TMEM178B: variants seen among roughly 807,000 people sequenced by gnomAD.
TMEM178B encodes transmembrane protein 178B.
A neutral mutation model predicts 31.0 loss-of-function variants in TMEM178B; 5 were observed. The ratio of observed to expected loss-of-function variants is 0.16; its 90% CI spans 0.08 to 0.34. TMEM178B has a LOEUF of 0.34. TMEM178B is among the 10% of genes least tolerant of loss of function. The pLI, the probability that TMEM178B is intolerant of heterozygous loss-of-function variation, is 1.00. For missense variants in TMEM178B, 275 were observed against 400.3 expected, an observed-to-expected ratio of 0.69 and a Z score of 2.67; for synonymous variants, 164 against 164.0, an observed-to-expected ratio of 1.00 and a Z score of 0.00.
intron 1 of TMEM178B, among the ~76,000 whole-genome samples, chr7:141,101,287 A>G (rs956824114): frequency 6.6e-6 from 1 of 152,234 alleles, no homozygotes; most frequent in African/African-American, 2.4e-5. Flanking sequence ...ATGAATGACA[A>G]TAAAATGTTT....
chr7:141,309,418 GA>G (rs1233379331), intron 2 of TMEM178B, among the ~76,000 whole-genome samples: 19 of 152,206 alleles, frequency 1.2e-4, no homozygotes, highest in Non-Finnish European at 2.4e-4. Context: ...TAGACATTTG[GA>G]AAGTATAGAT....
chr7:141,316,600 C>A (rs1799009906), intron 2 of TMEM178B, among the ~76,000 whole-genome samples: 1 of 151,982 alleles, frequency 6.6e-6, no homozygotes, highest in Non-Finnish European at 1.5e-5. Context: ...TACACGAATA[C>A]AACACACATT....
chr7:141,075,131 T>G (rs1794579378), intron 1 of TMEM178B, among the ~76,000 whole-genome samples: 1 of 152,226 alleles, frequency 6.6e-6, no homozygotes, highest in South Asian at 2.1e-4. Context: ...GAAGGCCTTA[T>G]TCATACCAGA....
At chr7:141,265,303 A>G (rs1354338830) in intron 2 of TMEM178B, among the ~76,000 whole-genome samples, 5 of 151,594 alleles carry the variant, frequency 3.3e-5, no homozygotes, top group Admixed American at 3.3e-4. Context: ...GAATGGGGCC[A>G]TGATGATGGG....
chr7:141,114,314 G>A (rs1187668587), intron 1 of TMEM178B, among the ~76,000 whole-genome samples: 1 of 151,426 alleles, frequency 6.6e-6, no homozygotes. Context: ...CTGTATATCT[G>A]TATATCTCTC....
At chr7:141,132,280 T>G (rs1447752230) in intron 1 of TMEM178B, among the ~76,000 whole-genome samples, 1 of 152,208 alleles carries the variant, frequency 6.6e-6, no homozygotes, top group African/African-American at 2.4e-5. Context: ...TGTAACCAAA[T>G]TTAACTAGAA....
At chr7:141,094,328 C>T (rs1794924235) in intron 1 of TMEM178B, among the ~76,000 whole-genome samples, 1 of 152,144 alleles carries the variant, frequency 6.6e-6, no homozygotes, top group Admixed American at 6.6e-5. Context: ...GAGCAAAGAG[C>T]TTTATGCTTT....
At chr7:141,347,794 C>T (rs1293875872) in intron 2 of TMEM178B, among the ~76,000 whole-genome samples, 2 of 152,082 alleles carry the variant, frequency 1.3e-5, no homozygotes, top group African/African-American at 4.8e-5. Context: ...GTCTGTACCC[C>T]ACCTCTCCAC....
At chr7:141,205,516 A>G (rs1223827483) in intron 1 of TMEM178B, among the ~76,000 whole-genome samples, 1 of 152,156 alleles carries the variant, frequency 6.6e-6, no homozygotes, top group African/African-American at 2.4e-5. Flanking sequence ...TCTGTAGCTG[A>G]GGGGCCCTCC....
chr7:141,431,663 C>A (rs570928115), intron 2 of TMEM178B, among the ~76,000 whole-genome samples: 5 of 152,358 alleles, frequency 3.3e-5, no homozygotes, highest in African/African-American at 1.2e-4. Flanking sequence ...ATTCTGGGCT[C>A]TTTCCAGGGG....
intron 2 of TMEM178B, among the ~76,000 whole-genome samples, chr7:141,250,097 C>G (rs1797805860): frequency 1.3e-5 from 2 of 152,044 alleles, no homozygotes; most frequent in South Asian, 4.1e-4. Context: ...TTCTGAGCAG[C>G]TGCTGTATTC....
chr7:141,131,504 C>A (rs111870910), intron 1 of TMEM178B, among the ~76,000 whole-genome samples: 7,447 of 152,240 alleles, frequency 0.049, 627 homozygotes, highest in African/African-American at 0.17. Flanking sequence ...AATCACAAAT[C>A]TGACTTCTTT....
chr7:141,099,246 T>C (rs1795013724), intron 1 of TMEM178B, among the ~76,000 whole-genome samples: 2 of 152,212 alleles, frequency 1.3e-5, no homozygotes, highest in Non-Finnish European at 2.9e-5. Context: ...AAATGACTAA[T>C]AAAGTTCAAT....
At chr7:141,177,848 A>G (rs1796459062) in intron 1 of TMEM178B, among the ~76,000 whole-genome samples, 2 of 152,224 alleles carry the variant, frequency 1.3e-5, no homozygotes, top group African/African-American at 4.8e-5. Flanking sequence ...TGCACATGAG[A>G]TGGATCTCCT....
chr7:141,506,323 C>A, the TMEM178B span, among the ~76,000 whole-genome samples: 1 of 152,228 alleles, frequency 6.6e-6, no homozygotes, highest in African/African-American at 2.4e-5. Flanking sequence ...TTTCACACTG[C>A]TAATAAATAC....
chr7:141,416,287 A>C (rs1256609101), intron 2 of TMEM178B: 2 of 152,662 alleles, frequency 1.3e-5, no homozygotes. Flanking sequence ...CTACATCCAA[A>C]TCCTACAAGC....
At position 141,317,406 on chromosome 7, in the gene TMEM178B, G is replaced by T. The variant is rs1440248885; in HGVS notation, c.496+104702G>T. Among the ~76,000 whole-genome samples, 4 of 152,322 alleles carry T rather than the reference G, an allele frequency of 2.6e-5. No homozygotes were observed. The East Asian group carries it at 7.7e-4, about 29-fold the overall frequency. ...CTGTTTTGCCCACCTGGCTGCAGGT[G>T]CATCAGTGAGAACAGCAGAGCTTTT... On this transcript the variant is annotated intron_variant, in intron 2 of 3. Coordinates refer to ENST00000565468, the MANE Select transcript of TMEM178B (RefSeq NM_001195278.2).
At chr7:141,106,533 G>A (rs1586771825) in intron 1 of TMEM178B, among the ~76,000 whole-genome samples, 1 of 152,174 alleles carries the variant, frequency 6.6e-6, no homozygotes, top group African/African-American at 2.4e-5. Context: ...TAGGTTGACG[G>A]GTTGTGAGAA....
intron 1 of TMEM178B, among the ~76,000 whole-genome samples, chr7:141,119,594 A>G (rs1795376358): frequency 6.6e-6 from 1 of 152,206 alleles, no homozygotes; most frequent in African/African-American, 2.4e-5. Flanking sequence ...CATCTTTATG[A>G]ACATGCTTTG....
Sources: gnomAD v4.1 joint callset for allele counts (sites outside exome capture counted in the v4.1 genomes callset) on GRCh38, gnomAD v4.1.1 for gene constraint, MANE v1.5 for transcripts, NCBI Gene and HGNC (gene_info 2026-07-23, HGNC 2026-07-21) for gene names.